Variants in RNF38 observed in about 807,000 individuals in gnomAD.
RNF38 encodes E3 ubiquitin-protein ligase RNF38.
A neutral mutation model predicts 67.2 loss-of-function variants in RNF38; 15 were observed. That is an observed-to-expected ratio of 0.22 (90% CI 0.15 to 0.34). The LOEUF is 0.34. Ranked by LOEUF, RNF38 falls within the 10% of genes least tolerant of loss-of-function variation. The probability of loss-of-function intolerance (pLI) is 1.00; values close to 1 mark genes in which losing one functional copy is unlikely to be tolerated. For synonymous variants in RNF38, 220 were observed against 218.8 expected, an observed-to-expected ratio of 1.01 and a Z score of -0.05; for missense variants, 524 against 639.9, an observed-to-expected ratio of 0.82 and a Z score of 1.95.
At chr9:36,451,658 G>A (rs1587161048) in intron 1 of RNF38, among the ~76,000 whole-genome samples, 1 of 151,340 alleles carries the variant, frequency 6.6e-6, no homozygotes, top group Admixed American at 6.6e-5. Context: ...GTGCCACCAT[G>A]CCCAGCTAAT....
At chr9:36,351,985 C>T (rs1038899829) in intron 8 of RNF38, among the ~76,000 whole-genome samples, 3 of 152,164 alleles carry the variant, frequency 2.0e-5, no homozygotes, top group African/African-American at 7.2e-5. Flanking sequence ...TACTTCTAGA[C>T]TTTATTATGT....
chr9:36,384,371 G>A (rs1402333880), intron 2 of RNF38, among the ~76,000 whole-genome samples: 1 of 152,150 alleles, frequency 6.6e-6, no homozygotes, highest in East Asian at 1.9e-4. Flanking sequence ...ATAAATTTAG[G>A]AGTGTTGATA....
chr9:36,369,571 T>C, intron 4 of RNF38, 148 bp downstream of exon 4: 2 of 661,132 alleles, frequency 3.0e-6, no homozygotes, highest in Admixed American at 6.2e-5. Flanking sequence ...AGAATTTAAA[T>C]CTCAATTCTT....
At position 36,349,166 on chromosome 9, in the gene RNF38, A is replaced by C. The variant is rs560804268; in HGVS notation, c.1263+1949T>G. On this transcript the variant is annotated intron_variant, in intron 9 of 11. Transcript: ENST00000259605. The stretch of plus-strand genomic sequence containing the variant: ...TCAAGAGAAAAAGATTCCTTTCAAA[A>C]TATTACTGCTCAAGTGCTCTGATGA... 7.2e-5 allele frequency among the ~76,000 whole-genome samples: 11 copies of C among 152,344 alleles called. No homozygotes were observed. In the South Asian group the frequency reaches 2.3e-3, roughly 32 times the overall value.
chr9:36,479,975 ATTTTTATT>A (rs1481824587), intron 1 of RNF38, among the ~76,000 whole-genome samples: 1 of 151,548 alleles, frequency 6.6e-6, no homozygotes, highest in Non-Finnish European at 1.5e-5. Flanking sequence ...GTAAATGTGA[ATTTTTATT>A]TTTTTATTTT....
chr9:36,420,203 C>A (rs1309954937), intron 2 of RNF38, among the ~76,000 whole-genome samples: 2 of 152,108 alleles, frequency 1.3e-5, no homozygotes, highest in Non-Finnish European at 2.9e-5. Context: ...ATAAAGCAGT[C>A]CCTACTTCAA....
intron 1 of RNF38, among the ~76,000 whole-genome samples, chr9:36,455,017 G>A (rs747123752): frequency 6.6e-5 from 10 of 151,742 alleles, no homozygotes; most frequent in Admixed American, 2.0e-4. Flanking sequence ...ACTCCCATGC[G>A]TATAAAGAAA....
chr9:36,376,218 T>C (rs1447574835), intron 2 of RNF38, 91 bp from the exon 3 acceptor site: 3 of 957,248 alleles, frequency 3.1e-6, no homozygotes, highest in Non-Finnish European at 4.5e-6. Context: ...GTACTTAACC[T>C]AAAATCTAAA....
intron 6 of RNF38, among the ~76,000 whole-genome samples, chr9:36,355,601 TATA>T (rs1266146504): frequency 5.9e-5 from 9 of 152,252 alleles, no homozygotes; most frequent in African/African-American, 2.2e-4. Context: ...TTAATAATTT[TATA>T]ATATTTTCAT....
rs1430467279 is a variant in RNF38, at chr9:36,344,812, T to C, written c.1385+20A>G. On this transcript the variant is annotated intron_variant, in intron 10 of 11. Transcript: ENST00000259605. ...GGTAGAAAAGGAAATTTAGCAGTGA[T>C]GTCAGAAAAATTTACTTACAAAGTC... The C allele has an allele frequency of 6.2e-7, 1 of 1,607,900 alleles. No individual in the cohort carries two copies. The highest frequency in any genetic ancestry group is 2.2e-5 in the East Asian group (1 of 44,770).
At chr9:36,427,678 T>TCTAC (rs1838808723) in intron 1 of RNF38, among the ~76,000 whole-genome samples, 1 of 143,884 alleles carries the variant, frequency 7.0e-6, no homozygotes, top group Admixed American at 7.2e-5. Flanking sequence ...TATCTATCTA[T>TCTAC]CTATCTATCT....
At chr9:36,376,570 C>A (rs530203825) in intron 2 of RNF38, among the ~76,000 whole-genome samples, 104 of 152,190 alleles carry the variant, frequency 6.8e-4, no homozygotes, top group Middle Eastern at 3.4e-3. Flanking sequence ...CAATTTGATT[C>A]TAAATCACAC....
intron 2 of RNF38, among the ~76,000 whole-genome samples, chr9:36,378,832 G>T (rs1360669646): frequency 6.6e-6 from 1 of 152,066 alleles, no homozygotes; most frequent in Non-Finnish European, 1.5e-5. Flanking sequence ...TGCTATGATG[G>T]TGACAAAGAA....
chr9:36,388,312 T>C (rs1836797907), intron 2 of RNF38, among the ~76,000 whole-genome samples: 2 of 152,096 alleles, frequency 1.3e-5, no homozygotes, highest in Admixed American at 1.3e-4. Flanking sequence ...ATTTCACAAA[T>C]ATTATTTCAC....
intron 9 of RNF38, among the ~76,000 whole-genome samples, chr9:36,347,715 T>C (rs1460004801): frequency 1.3e-5 from 2 of 152,172 alleles, no homozygotes; most frequent in Non-Finnish European, 2.9e-5. Context: ...TTATGCCAAT[T>C]AATAACCCCA....
At chr9:36,414,284 T>G (rs1056933541) in intron 2 of RNF38, among the ~76,000 whole-genome samples, 2 of 152,244 alleles carry the variant, frequency 1.3e-5, no homozygotes, top group Admixed American at 6.5e-5. Flanking sequence ...TTCATCGTTC[T>G]CGCTGCTGCC....
chr9:36,404,940 A>T (rs1030197901), upstream of RNF38, among the ~76,000 whole-genome samples: 17 of 152,062 alleles, frequency 1.1e-4, no homozygotes, highest in African/African-American at 4.1e-4. Flanking sequence ...CCCTTTAGAA[A>T]ATTAAAGGAG....
rs796578467 is a variant in RNF38 at position 36,471,413 on chromosome 9, A to G, written n.241+15895T>C. ...ATTCTACCAAATTTCAAAAGGAAAC[A>G]TGTTTACATCTCAAATGTGCTACAA... On this transcript the variant is annotated intron_variant and non_coding_transcript_variant, in intron 1 of 3. Transcript: ENST00000488058. Among the ~76,000 whole-genome samples, 11 of 152,342 alleles carry G rather than the reference A, an allele frequency of 7.2e-5. 1 individual carries two copies. The highest frequency in any genetic ancestry group is 2.6e-4 in the African/African-American group (11 of 41,584).
intron 2 of RNF38, among the ~76,000 whole-genome samples, chr9:36,418,946 G>C (rs763069340): frequency 6.6e-5 from 10 of 152,090 alleles, no homozygotes; most frequent in Non-Finnish European, 1.5e-4. Flanking sequence ...CTGGGCAATG[G>C]AGCAAGACTC....
Sources: gnomAD v4.1 joint callset for allele counts (sites outside exome capture counted in the v4.1 genomes callset) on GRCh38, gnomAD v4.1.1 for gene constraint, MANE v1.5 for transcripts, NCBI Gene and HGNC (gene_info 2026-07-23, HGNC 2026-07-21) for gene names.